Variants in RBMS2 observed in about 807,000 individuals in gnomAD.
RBMS2 encodes the protein RNA-binding motif, single-stranded-interacting protein 2.
A neutral mutation model predicts 58.4 loss-of-function variants in RBMS2; 38 were observed. That is an observed-to-expected ratio of 0.65 (90% CI 0.50 to 0.85). The LOEUF (loss-of-function observed/expected upper bound fraction) is 0.85, where lower values mean the gene tolerates loss of function less well. Ranked by LOEUF, RBMS2 falls within the 40% of genes least tolerant of loss-of-function variation. The probability of loss-of-function intolerance (pLI) is 0.00; values close to 1 mark genes in which losing one functional copy is unlikely to be tolerated. For synonymous variants in RBMS2, 151 were observed against 180.7 expected (o/e 0.84, Z 1.32); for missense variants, 367 against 503.7 (o/e 0.73, Z 2.60).
At chr12:56,561,310 T>G (rs1420052036) in intron 1 of RBMS2, among the ~76,000 whole-genome samples, 1 of 152,194 alleles carries the variant, frequency 6.6e-6, no homozygotes, top group South Asian at 2.1e-4. Flanking sequence ...TAAATGATAT[T>G]TCTGTTTTTA....
chr12:56,592,195 A>G lies in RBMS2; in HGVS notation c.*3062A>G, dbSNP rs570886411. ...CTAGTGTTTTCTGAATGCTGTCTTCATGGAGCCCAGCTCTTACTCTCTTTG... is the reference window on the plus strand; with the variant it reads ...CTAGTGTTTTCTGAATGCTGTCTTCGTGGAGCCCAGCTCTTACTCTCTTTG... On this transcript the variant is annotated 3_prime_UTR_variant, in exon 14 of 14. Transcript: ENST00000262031. The G allele has an allele frequency of 6.6e-6, 1 of 152,316 alleles. No homozygotes were observed. Among genetic ancestry groups the G allele is most frequent in the African/African-American group, 2.4e-5 (1 of 41,568 alleles). 9.4% of individuals were successfully genotyped at this position (152,316 alleles called of 1,614,324 possible).
chr12:56,545,023 T>G (rs1876903921), intron 1 of RBMS2, among the ~76,000 whole-genome samples: 1 of 152,112 alleles, frequency 6.6e-6, no homozygotes. Context: ...CCTGAGCAGT[T>G]TACACTGTAC....
In RBMS2 at chr12:56,594,820, C is replaced by A. The variant is rs573929516; in HGVS notation, c.*5687C>A. On this transcript the variant is annotated 3_prime_UTR_variant, in exon 14 of 14. Transcript: ENST00000262031. ...CCCAAACTTCCTTGTCCTTGTTACA[C>A]GTCTACCTCACAACCTCACAATTCA... 3 of 152,272 alleles carry A rather than the reference C, an allele frequency of 2.0e-5. No homozygotes were observed. In the East Asian group the frequency reaches 5.8e-4, roughly 29 times the overall value. The allele number at this position is 152,272 out of a possible 1,614,324, so 9.4% of individuals were successfully genotyped here. A position where few individuals can be genotyped will look rare whatever the true frequency, so the allele number is the denominator to read the frequency against.
At position 56,586,829 on chromosome 12, in the gene RBMS2, T is replaced by G. The variant is rs997108755; in HGVS notation, c.874-20T>G. 6.3e-7 allele frequency: 1 copy of G among 1,595,902 alleles called. No homozygotes were observed. Among genetic ancestry groups the G allele is most frequent in the African/African-American group, 1.3e-5 (1 of 74,526 alleles). ...TAATAGTTTCCAGGCAATTAACATT[T>G]TTGTTTTTGCTTGTTTTAGAGAGTG... On this transcript the variant is annotated intron_variant, in intron 9 of 13. Transcript: ENST00000262031.
chr12:56,575,763 G>A (rs1040245273), intron 5 of RBMS2, among the ~76,000 whole-genome samples: 3 of 151,794 alleles, frequency 2.0e-5, no homozygotes, highest in Non-Finnish European at 2.9e-5. Flanking sequence ...GCATGGTGGC[G>A]CATGCCTGTA....
At chr12:56,580,389 C>T (rs577678669) in intron 5 of RBMS2, 2 of 315,768 alleles carry the variant, frequency 6.3e-6, no homozygotes, top group Admixed American at 4.5e-5. Flanking sequence ...AGTGCCACCA[C>T]TCCCGGCTAA....
At position 56,595,460 on chromosome 12, in the gene RBMS2, C is replaced by T. The variant is rs957182158; in HGVS notation, c.*6327C>T. On this transcript the variant is annotated 3_prime_UTR_variant, in exon 14 of 14. Coordinates refer to ENST00000262031, the MANE Select transcript of RBMS2 (RefSeq NM_002898.4). Reference sequence around the variant, plus strand: ...TTCTTCTAGTTTTATACTCTTCCCACATCTATGCCAATGCCACCATTCTAA... The same window carrying T: ...TTCTTCTAGTTTTATACTCTTCCCATATCTATGCCAATGCCACCATTCTAA... 2.0e-5 allele frequency: 3 copies of T among 152,196 alleles called. No homozygotes were observed. Among genetic ancestry groups the T allele is most frequent in the Admixed American group, 6.5e-5 (1 of 15,276 alleles). The allele number at this position is 152,196 out of a possible 1,614,324, so 9.4% of individuals were successfully genotyped here.
At chr12:56,588,671 GAATGAGGCCCT>G in intron 12 of RBMS2, 1 of 590,868 alleles carries the variant, frequency 1.7e-6, no homozygotes, top group Non-Finnish European at 3.0e-6. Context: ...CTGAGTTCAT[GAATGAGGCCCT>G]TCCTTACATT....
At position 56,588,286 on chromosome 12, in the gene RBMS2, C is replaced by T. The variant is rs372847670; in HGVS notation, c.1063-8C>T. The T allele has an allele frequency of 1.2e-5, 20 of 1,611,970 alleles. No homozygotes were observed. The highest frequency in any genetic ancestry group is 1.1e-4 in the African/African-American group (8 of 74,870). On this transcript the variant is annotated splice_polypyrimidine_tract_variant and splice_region_variant and intron_variant, in intron 11 of 13. Transcript: ENST00000262031. ...CTGCTGTAAGCCTGTTGATGTTTCTCTTTCTAGTATATGCCGACGGCTGCA... is the reference window on the plus strand; with the variant it reads ...CTGCTGTAAGCCTGTTGATGTTTCTTTTTCTAGTATATGCCGACGGCTGCA...
At chr12:56,532,729 T>C (rs1301060726) in intron 1 of RBMS2, among the ~76,000 whole-genome samples, 1 of 152,114 alleles carries the variant, frequency 6.6e-6, no homozygotes, top group Non-Finnish European at 1.5e-5. Flanking sequence ...TTGAATATAT[T>C]GTCAGATAAT....
rs954436097 is a variant in RBMS2 at position 56,594,444 on chromosome 12, G to A, written c.*5311G>A. ...AGAGACGAGGGTGGGTGTTATAAAAGCCAGTCTGTAAAGGGTAAATTCCAA... is the reference window on the plus strand; with the variant it reads ...AGAGACGAGGGTGGGTGTTATAAAAACCAGTCTGTAAAGGGTAAATTCCAA... On this transcript the variant is annotated 3_prime_UTR_variant, in exon 14 of 14. Transcript: ENST00000262031. 1 of 152,204 alleles carries A rather than the reference G, an allele frequency of 6.6e-6. No individual in the cohort carries two copies. Among genetic ancestry groups the A allele is most frequent in the Non-Finnish European group, 1.5e-5 (1 of 68,036 alleles). 9.4% of individuals were successfully genotyped at this position (152,204 alleles called of 1,614,324 possible). A position where few individuals can be genotyped will look rare whatever the true frequency, so the allele number is the denominator to read the frequency against.
upstream of RBMS2, among the ~76,000 whole-genome samples, chr12:56,520,776 T>C (rs1459055445): frequency 6.6e-6 from 1 of 152,060 alleles, no homozygotes; most frequent in African/African-American, 2.4e-5. Context: ...AAAGCAGACA[T>C]CCCAACTGTA....
rs576505742 is a variant in RBMS2 at position 56,590,931 on chromosome 12, G to A, written c.*1798G>A. 1 of 152,286 alleles carries A rather than the reference G, an allele frequency of 6.6e-6. No homozygotes were observed. The highest frequency in any genetic ancestry group is 6.5e-5 in the Admixed American group (1 of 15,290). The allele number at this position is 152,286 out of a possible 1,614,324, so 9.4% of individuals were successfully genotyped here. Reference sequence around the variant, plus strand: ...GACAACGGGGAGCTAGGGTAGCAAAGAGCAATAAATTCCAACTCTTTATGA... The same window carrying A: ...GACAACGGGGAGCTAGGGTAGCAAAAAGCAATAAATTCCAACTCTTTATGA... On this transcript the variant is annotated 3_prime_UTR_variant, in exon 14 of 14. Transcript: ENST00000262031.
chr12:56,561,580 C>T (rs111500758), intron 1 of RBMS2, among the ~76,000 whole-genome samples: 4,406 of 152,004 alleles, frequency 0.029, 235 homozygotes, highest in African/African-American at 0.1. Flanking sequence ...GATCTCGGCT[C>T]ACTGCAAGCT....
At chr12:56,538,506 C>T (rs1875411019) in intron 1 of RBMS2, among the ~76,000 whole-genome samples, 1 of 113,278 alleles carries the variant, frequency 8.8e-6, no homozygotes, top group African/African-American at 3.3e-5. Flanking sequence ...GAGACGGAGT[C>T]TCAGGCTGTC....
upstream of RBMS2, among the ~76,000 whole-genome samples, chr12:56,520,804 A>G (rs1871650889): frequency 6.6e-6 from 1 of 152,130 alleles, no homozygotes. Context: ...ATTTAGACAT[A>G]AACTCCAGGT....
chr12:56,586,732 A>G, intron 9 of RBMS2, 117 bp from the exon 10 acceptor site: 1 of 795,536 alleles, frequency 1.3e-6, no homozygotes, highest in Non-Finnish European at 2.1e-6. Context: ...GTTTTTCTTA[A>G]TGTTTCTATT....
chr12:56,574,193 A>C (rs1882791818), intron 5 of RBMS2, among the ~76,000 whole-genome samples: 1 of 152,202 alleles, frequency 6.6e-6, no homozygotes, highest in Non-Finnish European at 1.5e-5. Flanking sequence ...TTCATGGTCC[A>C]TACAGCTTAA....
chr12:56,550,503 C>T (rs1878051322), intron 1 of RBMS2, among the ~76,000 whole-genome samples: 2 of 151,962 alleles, frequency 1.3e-5, no homozygotes, highest in South Asian at 4.2e-4. Context: ...ACATTCCACC[C>T]TGCCTGGGTG....
Sources: gnomAD v4.1 joint callset for allele counts (sites outside exome capture counted in the v4.1 genomes callset) on GRCh38, gnomAD v4.1.1 for gene constraint, MANE v1.5 for transcripts, NCBI Gene and HGNC (gene_info 2026-07-23, HGNC 2026-07-21) for gene names.